PCDH15: variants seen among roughly 807,000 people sequenced by gnomAD.
The protein encoded by PCDH15 is protocadherin-15.
In PCDH15, 129 loss-of-function variants were observed where a neutral mutation model predicts 178.5. The observed-to-expected ratio is 0.72, with a 90% CI of 0.63 to 0.84. The LOEUF (loss-of-function observed/expected upper bound fraction) is 0.84, where lower values mean the gene tolerates loss of function less well. Ranked by LOEUF, PCDH15 falls within the 40% of genes least tolerant of loss-of-function variation. The pLI is 0.00. For synonymous variants in PCDH15, 800 were observed against 732.0 expected (o/e 1.09, Z -1.50); for missense variants, 2,230 against 2,099.9 (o/e 1.06, Z -1.21).
intron 3 of PCDH15, among the ~76,000 whole-genome samples, chr10:54,474,609 G>A (rs2078147302): frequency 6.6e-6 from 1 of 151,932 alleles, no homozygotes; most frequent in Admixed American, 6.6e-5. Context: ...TGTGTAGTAA[G>A]GAAGAACAGT....
chr10:55,036,473 T>C (rs1241934555), intron 2 of PCDH15, among the ~76,000 whole-genome samples: 1 of 152,120 alleles, frequency 6.6e-6, no homozygotes, highest in African/African-American at 2.4e-5. Flanking sequence ...CCCTACTCTG[T>C]AGTATAGAAA....
At chr10:53,964,535 G>C (rs539946835) in intron 21 of PCDH15, among the ~76,000 whole-genome samples, 1 of 133,884 alleles carries the variant, frequency 7.5e-6, no homozygotes, top group South Asian at 2.4e-4. Context: ...AAATTTATTT[G>C]CATAAATAAG....
chr10:55,338,417 A>C (rs2131950243), intron 2 of PCDH15, among the ~76,000 whole-genome samples: 1 of 152,328 alleles, frequency 6.6e-6, no homozygotes, highest in Middle Eastern at 3.4e-3. Context: ...CAACAGATAA[A>C]TCAATAAATA....
intron 1 of PCDH15, among the ~76,000 whole-genome samples, chr10:54,778,522 A>C (rs1368107750): frequency 6.6e-6 from 1 of 152,138 alleles, no homozygotes; most frequent in Admixed American, 6.6e-5. Context: ...ACACTGTAAA[A>C]ATTTTATAAA....
intron 2 of PCDH15, among the ~76,000 whole-genome samples, chr10:54,616,051 T>A (rs1010607315): frequency 1.3e-5 from 2 of 152,054 alleles, no homozygotes; most frequent in African/African-American, 4.8e-5. Flanking sequence ...CTCATTTTTT[T>A]GAGTAGAAAT....
At chr10:54,056,608 G>A (rs928900407) in intron 18 of PCDH15, among the ~76,000 whole-genome samples, 4 of 152,010 alleles carry the variant, frequency 2.6e-5, no homozygotes, top group African/African-American at 4.8e-5. Flanking sequence ...TTGACACATG[G>A]GGATTATAAT....
intron 2 of PCDH15, among the ~76,000 whole-genome samples, chr10:55,407,719 C>T (rs774044644): frequency 6.6e-6 from 1 of 152,166 alleles, no homozygotes; most frequent in East Asian, 1.9e-4. Flanking sequence ...CACAAACACA[C>T]ACAAGCATGT....
intron 1 of PCDH15, among the ~76,000 whole-genome samples, chr10:55,230,597 A>G (rs1564913600): frequency 6.6e-6 from 1 of 152,082 alleles, no homozygotes; most frequent in Admixed American, 6.6e-5. Flanking sequence ...GGAGATTTAT[A>G]GAAAGAAATA....
chr10:54,835,277 G>T (rs920742381), intron 3 of PCDH15, among the ~76,000 whole-genome samples: 32 of 152,046 alleles, frequency 2.1e-4, no homozygotes, highest in African/African-American at 7.5e-4. Flanking sequence ...TATTTTTTAA[G>T]CATCAGCATT....
At chr10:54,025,470 T>C (rs1250372737) in intron 18 of PCDH15, among the ~76,000 whole-genome samples, 3 of 151,614 alleles carry the variant, frequency 2.0e-5, no homozygotes, top group Non-Finnish European at 4.4e-5. Context: ...GAGGTCCCCA[T>C]ATCCCTTGGT....
intron 8 of PCDH15, among the ~76,000 whole-genome samples, chr10:54,309,324 C>T (rs757908867): frequency 1.2e-5 from 1 of 81,808 alleles, no homozygotes; most frequent in African/African-American, 8.3e-5. Flanking sequence ...CGTACATACA[C>T]ACACACACAC....
chr10:54,603,975 T>C (rs1291247313), intron 2 of PCDH15, among the ~76,000 whole-genome samples: 1 of 151,994 alleles, frequency 6.6e-6, no homozygotes, highest in African/African-American at 2.4e-5. Context: ...TTGGTATGTT[T>C]TCTTTTCATT....
At chr10:55,416,464 A>T (rs1838486229) in intron 2 of PCDH15, among the ~76,000 whole-genome samples, 1 of 151,790 alleles carries the variant, frequency 6.6e-6, no homozygotes, top group South Asian at 2.1e-4. Flanking sequence ...CACTTCTAGG[A>T]TCCTCCTAAA....
At chr10:55,173,504 A>G (rs1432287655) in intron 1 of PCDH15, among the ~76,000 whole-genome samples, 2 of 151,908 alleles carry the variant, frequency 1.3e-5, no homozygotes, top group African/African-American at 4.8e-5. Flanking sequence ...AAAAATTAAT[A>G]TGACATCGTT....
chr10:54,788,922 T>C (rs1318168166), intron 1 of PCDH15, among the ~76,000 whole-genome samples: 2 of 151,864 alleles, frequency 1.3e-5, no homozygotes, highest in Non-Finnish European at 2.9e-5. Flanking sequence ...AATCTAATTC[T>C]TTATAGAATC....
chr10:53,899,146 G>GGC (rs567503309), intron 26 of PCDH15, among the ~76,000 whole-genome samples: 1,886 of 149,756 alleles, frequency 0.013, 43 homozygotes, highest in African/African-American at 0.043. Flanking sequence ...TTTTTTCGGG[G>GGC]GGGGGTGGTC....
chr10:54,591,188 G>A (rs1207611980), intron 2 of PCDH15, among the ~76,000 whole-genome samples: 2 of 152,050 alleles, frequency 1.3e-5, no homozygotes, highest in South Asian at 2.1e-4. Flanking sequence ...CAAGAGCCTT[G>A]GAATATGTTA....
At chr10:54,700,119 CT>C (rs1342028488) in intron 1 of PCDH15, among the ~76,000 whole-genome samples, 1 of 152,044 alleles carries the variant, frequency 6.6e-6, no homozygotes, top group African/African-American at 2.4e-5. Flanking sequence ...CTTTGGCCCC[CT>C]GAGATCTTCC....
At chr10:55,117,469 C>T (rs972102025) in intron 2 of PCDH15, among the ~76,000 whole-genome samples, 1 of 152,172 alleles carries the variant, frequency 6.6e-6, no homozygotes, top group African/African-American at 2.4e-5. Flanking sequence ...AGACAAGATA[C>T]TGTGGGCTTG....
Sources: gnomAD v4.1 joint callset for allele counts (sites outside exome capture counted in the v4.1 genomes callset) on GRCh38, gnomAD v4.1.1 for gene constraint, MANE v1.5 for transcripts, NCBI Gene and HGNC (gene_info 2026-07-23, HGNC 2026-07-21) for gene names.